The following CTNND2 variants were observed in gnomAD, a reference collection of about 807,000 sequenced individuals.
CTNND2 encodes the protein catenin delta-2.
CTNND2 carries 22 observed loss-of-function variants against 144.4 expected under a neutral mutation model. That is an observed-to-expected ratio of 0.15 (90% CI 0.11 to 0.22). The LOEUF is 0.22. Ranked by LOEUF, CTNND2 falls within the 10% of genes least tolerant of loss-of-function variation. The pLI is 1.00. For missense variants in CTNND2, 1,353 were observed against 1,618.8 expected (o/e 0.84, Z 2.82); for synonymous variants, 751 against 695.6 (o/e 1.08, Z -1.25).
At chr5:11,251,568 T>A (rs1304941338) in intron 9 of CTNND2, among the ~76,000 whole-genome samples, 2 of 152,174 alleles carry the variant, frequency 1.3e-5, no homozygotes, top group African/African-American at 4.8e-5. Flanking sequence ...ATTTAAAATA[T>A]CCCTCGGAAT....
At chr5:11,740,881 T>A (rs56142873) in intron 1 of CTNND2, among the ~76,000 whole-genome samples, 129 of 151,830 alleles carry the variant, frequency 8.5e-4, no homozygotes, top group Admixed American at 2.8e-3. Flanking sequence ...CAAAGGACAC[T>A]TCTTACAGGC....
intron 9 of CTNND2, among the ~76,000 whole-genome samples, chr5:11,320,063 T>C (rs1173992988): frequency 6.6e-6 from 1 of 152,200 alleles, no homozygotes; most frequent in Non-Finnish European, 1.5e-5. Flanking sequence ...ACCCAGCGGT[T>C]CTGACCATTC....
chr5:11,457,072 C>A (rs1392565888), intron 3 of CTNND2, among the ~76,000 whole-genome samples: 2 of 152,174 alleles, frequency 1.3e-5, no homozygotes, highest in African/African-American at 4.8e-5. Flanking sequence ...TATATTGTCT[C>A]ATTTAATTTT....
intron 1 of CTNND2, among the ~76,000 whole-genome samples, chr5:11,851,461 G>C (rs1032755490): frequency 9.2e-5 from 14 of 152,166 alleles, no homozygotes; most frequent in Non-Finnish European, 1.6e-4. Flanking sequence ...TTATTTCCTA[G>C]AGGAATTTGC....
chr5:11,384,885 G>T lies in CTNND2; in HGVS notation c.957C>A (p.Ile319=). The stretch of plus-strand genomic sequence containing the variant: ...GGGACAGGCCGGCCGAGGACACGAC[G>T]ATGTTGATGGGCGAGCTGGTGCTGT... ...KSYSTSSPIN[I]VVSSAGLSPI... Residue 319 remains isoleucine, a synonymous_variant, in exon 7 of 22, where the codon ATC becomes ATA. Transcript: ENST00000304623. The surrounding 1 kb of genome is among the most constrained non-coding windows in gnomAD (Gnocchi z 5.2). The T allele has an allele frequency of 1.2e-6, 2 of 1,611,526 alleles. No individual in the cohort carries two copies. The highest frequency in any genetic ancestry group is 1.7e-6 in the Non-Finnish European group (2 of 1,179,298).
chr5:11,780,941 G>C (rs1454183765), intron 1 of CTNND2, among the ~76,000 whole-genome samples: 1 of 152,090 alleles, frequency 6.6e-6, no homozygotes, highest in African/African-American at 2.4e-5. Context: ...CCAGGACCAT[G>C]GATTTCTACA....
rs1752900714 is a variant in CTNND2 at position 11,110,934 on chromosome 5, C to T, written c.2387G>A (p.Gly796Asp). The T allele has an allele frequency of 6.2e-7, 1 of 1,614,056 alleles. No homozygotes were observed. The highest frequency in any genetic ancestry group is 8.5e-7 in the Non-Finnish European group (1 of 1,180,038). The change falls in exon 14 of 22, where the codon GGC (glycine) becomes GAC (aspartate). Residue 796 changes from glycine to aspartate, a missense_variant. By Grantham distance (94) the Gly-to-Asp change is moderately conservative. This residue lies in a region of CTNND2 where 459 missense variants were observed against 674.3 expected (regional missense o/e 0.68). Coordinates refer to ENST00000304623, the MANE Select transcript of CTNND2 (RefSeq NM_001332.4). Reference sequence around the variant, plus strand: ...CTCAGCATCCTTGCCATTGGCCTCGCCACAGAGTAGCCCGTCCAGCTCGTC... The same window carrying T: ...CTCAGCATCCTTGCCATTGGCCTCGTCACAGAGTAGCCCGTCCAGCTCGTC... ...GTDELDGLLC[G>D]EANGKDAESS...
intron 1 of CTNND2, among the ~76,000 whole-genome samples, chr5:11,864,412 A>G (rs765791493): frequency 3.3e-5 from 5 of 152,224 alleles, no homozygotes; most frequent in Admixed American, 2.6e-4. Flanking sequence ...TCTGACCATG[A>G]TTCTTGCAAA....
intron 3 of CTNND2, among the ~76,000 whole-genome samples, chr5:11,560,071 T>C (rs893618700): frequency 6.6e-6 from 1 of 152,166 alleles, no homozygotes; most frequent in African/African-American, 2.4e-5. Flanking sequence ...GGCTTCCTAA[T>C]TGACGAAGTG....
chr5:11,663,280 A>G (rs75292038), intron 2 of CTNND2, among the ~76,000 whole-genome samples: 2,023 of 152,298 alleles, frequency 0.013, 55 homozygotes, highest in African/African-American at 0.046. Flanking sequence ...AGATTGATCT[A>G]TATTAAAAAG....
chr5:11,232,699 G>A (rs1174780860), intron 10 of CTNND2, among the ~76,000 whole-genome samples: 2 of 152,200 alleles, frequency 1.3e-5, no homozygotes, highest in African/African-American at 4.8e-5. Flanking sequence ...TGGACTTTTG[G>A]GTTAATGCTG....
At position 11,702,012 on chromosome 5, in the gene CTNND2, C is replaced by T. The variant is rs138239480; in HGVS notation, c.174+30124G>A. On this transcript the variant is annotated intron_variant, in intron 2 of 21. Transcript: ENST00000304623. ...CACAAGCAAAGGCTTGGAAAGCACT[C>T]GGGCAGTTGGGTTTGTCCTCTTCCT... is the stretch of plus-strand genomic sequence containing the variant. 3.6e-4 allele frequency among the ~76,000 whole-genome samples: 55 copies of T among 152,260 alleles called. No individual in the cohort carries two copies. The East Asian group carries it at 8.3e-3, about 23-fold the overall frequency.
chr5:11,301,038 G>A (rs1749549752), intron 9 of CTNND2, among the ~76,000 whole-genome samples: 1 of 152,020 alleles, frequency 6.6e-6, no homozygotes, highest in Admixed American at 6.5e-5. Flanking sequence ...AGTCTGGGCT[G>A]TTGCATGGGC....
chr5:11,366,530 G>T (rs1343907682), intron 7 of CTNND2, among the ~76,000 whole-genome samples: 1 of 152,122 alleles, frequency 6.6e-6, no homozygotes, highest in Non-Finnish European at 1.5e-5. Context: ...CATCGCATCT[G>T]ATCTGTCAAA....
At chr5:11,762,066 A>G (rs548908266) in intron 1 of CTNND2, among the ~76,000 whole-genome samples, 4 of 152,342 alleles carry the variant, frequency 2.6e-5, no homozygotes, top group African/African-American at 9.6e-5. Flanking sequence ...CTAGAAAATT[A>G]AATGCACCTT....
chr5:11,570,845 A>G (rs560589063), intron 2 of CTNND2, among the ~76,000 whole-genome samples: 1 of 152,050 alleles, frequency 6.6e-6, no homozygotes, highest in African/African-American at 2.4e-5. Flanking sequence ...CCTCCTTTTT[A>G]ACATTACTCT....
chr5:11,071,036 G>A (rs533961508), intron 16 of CTNND2, among the ~76,000 whole-genome samples: 2 of 152,070 alleles, frequency 1.3e-5, no homozygotes, highest in African/African-American at 2.4e-5. Context: ...CAGCAGTGAC[G>A]TAAAGTGGAG....
In CTNND2 at chr5:11,173,475, T is replaced by TCA. The variant is rs1760145665; in HGVS notation, c.1976-13717_1976-13716insTG. On this transcript the variant is annotated intron_variant, in intron 11 of 21. Coordinates refer to ENST00000304623, the MANE Select transcript of CTNND2 (RefSeq NM_001332.4). ...GTAGAGAATCCCAGCTGAGTGTTCT[T>TCA]TTCATGTCCTGTGGAAACCTTGATG... is the stretch of plus-strand genomic sequence containing the variant. Among the ~76,000 whole-genome samples the TCA allele has an allele frequency of 2.0e-5, 3 of 152,348 alleles. No homozygotes were observed. The South Asian group carries it at 6.2e-4, about 32-fold the overall frequency.
intron 10 of CTNND2, 64 bp from the exon 11 acceptor site, chr5:11,199,725 A>G (rs770052573): frequency 2.6e-5 from 31 of 1,195,748 alleles, no homozygotes; most frequent in Middle Eastern, 2.3e-4. Flanking sequence ...ACACCAAAAC[A>G]TGTTTTTCAT....
Sources: gnomAD v4.1 joint callset for allele counts (sites outside exome capture counted in the v4.1 genomes callset) on GRCh38, gnomAD v4.1.1 for gene constraint, gnomAD v4.1.1 regional missense constraint, Gnocchi (gnomAD v3.1) non-coding constraint, MANE v1.5 for transcripts, NCBI Gene and HGNC (gene_info 2026-07-23, HGNC 2026-07-21) for gene names.